PTPN21: variants seen among roughly 807,000 people sequenced by gnomAD.
PTPN21 encodes the protein tyrosine-protein phosphatase non-receptor type 21.
Under a neutral mutation model 131.8 loss-of-function variants are expected in PTPN21, and 77 were observed. The observed-to-expected ratio is 0.58, with a 90% CI of 0.49 to 0.71. The LOEUF (loss-of-function observed/expected upper bound fraction) is 0.71, where lower values mean the gene tolerates loss of function less well. Ranked by LOEUF, PTPN21 falls within the 30% of genes least tolerant of loss-of-function variation. PTPN21 has a pLI of 0.00. For missense variants in PTPN21, 1,552 were observed against 1,527.1 expected, an observed-to-expected ratio of 1.02 and a Z score of -0.27; for synonymous variants, 715 against 621.3, an observed-to-expected ratio of 1.15 and a Z score of -2.24.
Position 88,517,136 on chromosome 14 carries a change from C to T in PTPN21, c.306G>A (p.Val102=), listed in dbSNP as rs761958951. Reference sequence around the variant, plus strand: ...GCTGAGAAACTGAAGGCACATAAAACACCACTCCAAAATAGACGGTAGGTT... The same window carrying T: ...GCTGAGAAACTGAAGGCACATAAAATACCACTCCAAAATAGACGGTAGGTT... ...ALEPTVYFGV[V]FYVPSVSQLQ... Residue 102 remains valine (V), a synonymous_variant, in exon 3 of 19, where the codon GTG becomes GTA. Coordinates refer to ENST00000556564, the MANE Select transcript of PTPN21 (RefSeq NM_007039.4). The T allele has an allele frequency of 1.4e-5, 22 of 1,614,050 alleles. No homozygotes were observed. The Middle Eastern group carries it at 9.9e-4, about 73-fold the overall frequency.
rs180765064 is a variant in PTPN21 at position 88,519,981 on chromosome 14, C to T, written c.181-2720G>A. ...CCCCCAGGTATTGTCCCTGGACTACCTCTACCAGAAGTACCTAGAGGGTTT... is the reference window on the plus strand; with the variant it reads ...CCCCCAGGTATTGTCCCTGGACTACTTCTACCAGAAGTACCTAGAGGGTTT... On this transcript the variant is annotated intron_variant, in intron 2 of 18. Coordinates refer to ENST00000556564, the MANE Select transcript of PTPN21 (RefSeq NM_007039.4). Among the ~76,000 whole-genome samples, 163 of 152,322 alleles carry T rather than the reference C, an allele frequency of 1.1e-3. 2 individuals carry two copies. In the East Asian group the frequency reaches 0.024, roughly 22 times the overall value.
rs1462448942 is a variant in PTPN21, at chr14:88,517,153, C to T, written c.289G>A (p.Val97Ile). ...QLDKYALEPT[V>I]YFGVVFYVPS... ...ACATAAAACACCACTCCAAAATAGA[C>T]GGTAGGTTCCAATGCATATTTATCC... The change falls in exon 3 of 19, where the codon GTC becomes ATC. Residue 97 changes from valine (V) to isoleucine (I), a missense_variant. By Grantham distance (29) the Val-to-Ile change is conservative. Around this residue, in one of 4 missense-constraint regions of PTPN21, gnomAD observed 206 missense variants for 221.6 expected, o/e 0.93. Transcript: ENST00000556564. 9 of 1,614,124 alleles carry T rather than the reference C, an allele frequency of 5.6e-6. No individual in the cohort carries two copies. The highest frequency in any genetic ancestry group is 1.7e-5 in the Admixed American group (1 of 60,008).
chr14:88,479,557 G>A lies in PTPN21; in HGVS notation c.1874C>T (p.Thr625Ile). The A allele has an allele frequency of 3.8e-6, 6 of 1,598,716 alleles. No homozygotes were observed. Among genetic ancestry groups the A allele is most frequent in the Non-Finnish European group, 5.1e-6 (6 of 1,178,680 alleles). The change falls in exon 13 of 19, where the codon ACC becomes ATC. Residue 625 changes from threonine to isoleucine, a missense_variant. Coordinates refer to ENST00000556564, the MANE Select transcript of PTPN21 (RefSeq NM_007039.4). ...GTGCAGCTGCGCGTGGCGCGCGGCGGTGAGGGGCTCGCTGACCTCCTGCAG... is the reference window on the plus strand; with the variant it reads ...GTGCAGCTGCGCGTGGCGCGCGGCGATGAGGGGCTCGCTGACCTCCTGCAG... ...HSLQEVSEPL[T>I]AARHAQLHKR...
chr14:88,514,777 T>G (rs1368435671), intron 3 of PTPN21, among the ~76,000 whole-genome samples: 6 of 152,166 alleles, frequency 3.9e-5, no homozygotes, highest in Non-Finnish European at 7.3e-5. Context: ...CCCCTTTGTT[T>G]TCTTCCAATA....
rs200386250 is a variant in PTPN21, at chr14:88,484,045, G to GT, written c.1078+1030dup. The stretch of plus-strand genomic sequence containing the variant: ...TTATCTTAAACTATTAGATTCTAAG[G>GT]TGTTTTTTTTTTTTTTGAGATAGTC... On this transcript the variant is annotated intron_variant, in intron 12 of 18. Coordinates refer to ENST00000556564, the MANE Select transcript of PTPN21 (RefSeq NM_007039.4). 1.0e-2 allele frequency among the ~76,000 whole-genome samples: 1,296 copies of GT among 130,152 alleles called. 11 individuals carry two copies. Among genetic ancestry groups the GT allele is most frequent in the African/African-American group, 0.036 (1,234 of 33,894 alleles). The allele number at this position is 130,152 out of a possible 152,430, so 85.4% of individuals were successfully genotyped here. A position where few individuals can be genotyped will look rare whatever the true frequency, so the allele number is the denominator to read the frequency against.
intron 10 of PTPN21, 72 bp from the exon 11 acceptor site, chr14:88,485,914 G>T (rs1595359636): frequency 5.5e-6 from 5 of 907,942 alleles, no homozygotes; most frequent in East Asian, 5.1e-5. Context: ...CAAGATATAG[G>T]AATGTAAAAT....
rs116008625 is a variant in PTPN21 at position 88,494,649 on chromosome 14, G to C, written c.932+1764C>G. On this transcript the variant is annotated intron_variant, in intron 10 of 18. Coordinates refer to ENST00000556564, the MANE Select transcript of PTPN21 (RefSeq NM_007039.4). ...CACTGTACTCAGCCTGGGTGACAGA[G>C]CTGTCTCAAAAACAAACTAAAAAAA... is the stretch of plus-strand genomic sequence containing the variant. 5.5e-3 allele frequency among the ~76,000 whole-genome samples: 841 copies of C among 152,004 alleles called. 6 individuals carry two copies. The highest frequency in any genetic ancestry group is 0.02 in the African/African-American group (812 of 41,440).
In PTPN21 at chr14:88,494,763, C is replaced by T. The variant is rs187460473; in HGVS notation, c.932+1650G>A. Among the ~76,000 whole-genome samples the T allele has an allele frequency of 1.1e-3, 161 of 152,108 alleles. 2 individuals are homozygous for T. In the East Asian group the frequency reaches 0.023, roughly 22 times the overall value. ...GTGCGGTGGCTCACACCTGTAATCC[C>T]AGCACTTTGGGAGGCTGAGGCAGGT... On this transcript the variant is annotated intron_variant, in intron 10 of 18. Coordinates refer to ENST00000556564, the MANE Select transcript of PTPN21 (RefSeq NM_007039.4).
intron 10 of PTPN21, among the ~76,000 whole-genome samples, chr14:88,492,278 T>C (rs2077836728): frequency 6.6e-6 from 1 of 152,224 alleles, no homozygotes; most frequent in Admixed American, 6.5e-5. Context: ...GCTTGAATCT[T>C]AGAACTTACT....
chr14:88,483,280 A>G (rs1032422335), intron 12 of PTPN21, among the ~76,000 whole-genome samples: 2 of 151,680 alleles, frequency 1.3e-5, no homozygotes, highest in Non-Finnish European at 2.9e-5. Flanking sequence ...TAAAGGGAGG[A>G]GAATGAACAA....
chr14:88,500,041 A>C lies in PTPN21; in HGVS notation c.764+742T>G, dbSNP rs759780643. Among the ~76,000 whole-genome samples, 174 of 152,326 alleles carry C rather than the reference A, an allele frequency of 1.1e-3. 2 individuals carry two copies. Among genetic ancestry groups the C allele is most frequent in the Non-Finnish European group, 1.1e-3 (72 of 68,034 alleles). On this transcript the variant is annotated intron_variant, in intron 8 of 18. Coordinates refer to ENST00000556564, the MANE Select transcript of PTPN21 (RefSeq NM_007039.4). Reference sequence around the variant, plus strand: ...ATCTTTTTTTATATCAGCAAAAAAAACCAACATTATAAAAAATAATTGAAA... The same window carrying C: ...ATCTTTTTTTATATCAGCAAAAAAACCCAACATTATAAAAAATAATTGAAA...
At chr14:88,498,565 G>A (rs1268702432) in intron 8 of PTPN21, among the ~76,000 whole-genome samples, 1 of 152,194 alleles carries the variant, frequency 6.6e-6, no homozygotes, top group Non-Finnish European at 1.5e-5. Context: ...GGGACACTAA[G>A]ATTAGTGAGT....
chr14:88,504,603 G>A, intron 5 of PTPN21, 108 bp from the exon 6 acceptor site: 1 of 839,480 alleles, frequency 1.2e-6, no homozygotes, highest in South Asian at 1.5e-5. Context: ...GCAAAATTAT[G>A]ACTATTGTTA....
intron 2 of PTPN21, among the ~76,000 whole-genome samples, chr14:88,530,381 AC>A (rs1566846575): frequency 6.6e-6 from 1 of 151,852 alleles, no homozygotes; most frequent in African/African-American, 2.4e-5. Flanking sequence ...GGGAAAAAAA[AC>A]CAAATTATTC....
intron 4 of PTPN21, among the ~76,000 whole-genome samples, chr14:88,506,456 A>C (rs765449953): frequency 2.0e-5 from 3 of 152,168 alleles, no homozygotes; most frequent in Non-Finnish European, 4.4e-5. Context: ...ATATATGTAC[A>C]TTTTAAAGAT....
At chr14:88,493,015 C>A in intron 10 of PTPN21, 1 of 442,794 alleles carries the variant, frequency 2.3e-6, no homozygotes. Flanking sequence ...ACTACTCTAA[C>A]AGGCTAGCAC....
At chr14:88,554,174 A>G (rs1052290129) in intron 1 of PTPN21, among the ~76,000 whole-genome samples, 1 of 152,224 alleles carries the variant, frequency 6.6e-6, no homozygotes, top group Non-Finnish European at 1.5e-5. Context: ...GCATGCCAAG[A>G]GCGGCCAATC....
chr14:88,496,320 G>T (rs1339397968), intron 10 of PTPN21, 93 bp downstream of exon 10: 2 of 1,168,206 alleles, frequency 1.7e-6, no homozygotes, highest in Non-Finnish European at 1.2e-6. Flanking sequence ...GATGTCAACT[G>T]ATAAAATGTC....
intron 2 of PTPN21, among the ~76,000 whole-genome samples, chr14:88,530,493 C>T (rs1175981346): frequency 7.5e-6 from 1 of 132,860 alleles, no homozygotes; most frequent in Non-Finnish European, 1.8e-5. Context: ...TACAGAATGG[C>T]AGAATGGATA....
Sources: allele counts gnomAD v4.1 joint callset (sites outside exome capture counted in the v4.1 genomes callset), GRCh38; gene constraint gnomAD v4.1.1; regional missense constraint gnomAD v4.1.1; transcripts MANE v1.5; gene names NCBI Gene and HGNC (gene_info 2026-07-23, HGNC 2026-07-21).